The following RSRC2 variants were observed in gnomAD, a reference collection of about 807,000 sequenced individuals.
The protein encoded by RSRC2 is arginine and serine rich coiled-coil 2, also known as arginine/serine-rich coiled-coil protein 2.
A neutral mutation model predicts 61.3 loss-of-function variants in RSRC2; 5 were observed. The ratio of observed to expected loss-of-function variants is 0.08; its 90% CI spans 0.04 to 0.17. RSRC2 has a LOEUF of 0.17. Among genes scored for constraint, RSRC2 ranks in the 10% least tolerant of loss-of-function variants. The pLI is 1.00. For missense variants in RSRC2, 381 were observed against 518.8 expected, an observed-to-expected ratio of 0.73 and a Z score of 2.58; for synonymous variants, 202 against 166.5, an observed-to-expected ratio of 1.21 and a Z score of -1.64.
intron 1 of RSRC2, chr12:122,522,807 G>A (rs922237447): frequency 6.6e-6 from 1 of 152,334 alleles, no homozygotes; most frequent in Non-Finnish European, 1.5e-5. Context: ...ACCTAAGTGA[G>A]AACCTCATCT....
chr12:122,514,250 T>G (rs562038058), intron 6 of RSRC2, among the ~76,000 whole-genome samples: 179 of 143,952 alleles, frequency 1.2e-3, no homozygotes, highest in African/African-American at 4.1e-3. Context: ...AAATTTATTT[T>G]TGTGTGTGTG....
chr12:122,511,256 A>G lies in RSRC2; in HGVS notation c.726-68T>C, dbSNP rs529636061. On this transcript the variant is annotated intron_variant, in intron 6 of 9. Transcript: ENST00000331738. ...AACCATTATGTATATATCTCTCTAT[A>G]TGTGCATGTACAGAGACAAGCCAAC... 8 of 1,194,292 alleles carry G rather than the reference A, an allele frequency of 6.7e-6. No homozygotes were observed. In the South Asian group the frequency reaches 8.1e-5, roughly 12 times the overall value. 74.0% of individuals were successfully genotyped at this position (1,194,292 alleles called of 1,614,324 possible). A position where few individuals can be genotyped will look rare whatever the true frequency, so the allele number is the denominator to read the frequency against.
chr12:122,517,008 T>C (rs1328627364), intron 5 of RSRC2, among the ~76,000 whole-genome samples: 1 of 152,218 alleles, frequency 6.6e-6, no homozygotes, highest in East Asian at 1.9e-4. Context: ...GGCCTATTCA[T>C]ACCTGCACTT....
chr12:122,521,360 C>G (rs763444604), intron 3 of RSRC2, 25 bp downstream of exon 3: 22 of 1,566,832 alleles, frequency 1.4e-5, no homozygotes, highest in Non-Finnish European at 1.8e-5. Flanking sequence ...TTTAAAGTAC[C>G]TATTCACTAC....
In RSRC2 at chr12:122,505,550, T is replaced by G; in HGVS notation, c.1282A>C (p.Met428Leu). 6.2e-7 allele frequency: 1 copy of G among 1,613,894 alleles called. No individual in the cohort carries two copies. The highest frequency in any genetic ancestry group is 8.5e-7 in the Non-Finnish European group (1 of 1,179,902). The stretch of plus-strand genomic sequence containing the variant: ...TTTCAAACTGCATCCATTCCTCGCA[T>G]TGAAGATGTGAAACCCAAACCCATT... ...RGMGLGFTSSMRGMDAV is the reference protein window; with the variant it reads ...RGMGLGFTSSLRGMDAV Residue 428 changes from methionine (M) to leucine (L), a missense_variant, in exon 10 of 10, where the codon ATG becomes CTG. By Grantham distance (15) the Met-to-Leu change is conservative. Around this residue, in one of 4 missense-constraint regions of RSRC2, gnomAD observed 78 missense variants for 183.0 expected, o/e 0.43. Coordinates refer to ENST00000331738, the MANE Select transcript of RSRC2 (RefSeq NM_023012.6).
chr12:122,522,821 T>C (rs1959426983), intron 1 of RSRC2: 1 of 152,438 alleles, frequency 6.6e-6, no homozygotes. Flanking sequence ...CTCATCTTAA[T>C]GTCATTAACC....
intron 8 of RSRC2, 87 bp downstream of exon 8, chr12:122,508,131 A>T: frequency 8.1e-7 from 1 of 1,240,196 alleles, no homozygotes. Flanking sequence ...AGTTAAGCCG[A>T]AAGTAATATT....
At chr12:122,512,192 C>A (rs1958573660) in intron 6 of RSRC2, among the ~76,000 whole-genome samples, 1 of 152,194 alleles carries the variant, frequency 6.6e-6, no homozygotes, top group Non-Finnish European at 1.5e-5. Flanking sequence ...GCACACTAAA[C>A]AAGCTATATG....
chr12:122,512,168 T>G (rs1376525251), intron 6 of RSRC2, among the ~76,000 whole-genome samples: 1 of 152,210 alleles, frequency 6.6e-6, no homozygotes, highest in Admixed American at 6.5e-5. Context: ...TACATTAAAT[T>G]CACTAATGAG....
chr12:122,506,204 G>A (rs1207217776), intron 9 of RSRC2, among the ~76,000 whole-genome samples: 1 of 151,886 alleles, frequency 6.6e-6, no homozygotes, highest in East Asian at 2.0e-4. Flanking sequence ...TGGCCAACAT[G>A]GTGAAACCCC....
At chr12:122,523,353 T>C (rs1471592838) in intron 1 of RSRC2, 1 of 152,064 alleles carries the variant, frequency 6.6e-6, no homozygotes, top group Non-Finnish European at 1.5e-5. Context: ...CTGCTTCTAC[T>C]AAAAACACAA....
intron 2 of RSRC2, 89 bp downstream of exon 2, chr12:122,522,051 CCAA>C: frequency 7.6e-7 from 1 of 1,324,248 alleles, no homozygotes; most frequent in Non-Finnish European, 1.0e-6. Context: ...CCATGCCCAG[CCAA>C]CAAACTAAAT....
intron 5 of RSRC2, 152 bp downstream of exon 5, chr12:122,517,075 G>A: frequency 9.1e-7 from 1 of 1,103,658 alleles, no homozygotes; most frequent in Non-Finnish European, 1.3e-6. Context: ...GTGGTTAGGT[G>A]TGTTCTTCAT....
At chr12:122,526,767 C>T in intron 1 of RSRC2, 81 bp downstream of exon 1, 4 of 1,528,228 alleles carry the variant, frequency 2.6e-6, no homozygotes, top group Non-Finnish European at 3.6e-6. Context: ...TACACACGAA[C>T]AAGGTTCTGG....
rs1271680543 is a variant in RSRC2 at position 122,503,608 on chromosome 12, A to G, written c.*1919T>C. 1 of 152,228 alleles carries G rather than the reference A, an allele frequency of 6.6e-6. No individual in the cohort carries two copies. The highest frequency in any genetic ancestry group is 2.4e-5 in the African/African-American group (1 of 41,462). 9.4% of individuals were successfully genotyped at this position (152,228 alleles called of 1,614,324 possible). A position where few individuals can be genotyped will look rare whatever the true frequency, so the allele number is the denominator to read the frequency against. On this transcript the variant is annotated 3_prime_UTR_variant, in exon 10 of 10. Coordinates refer to ENST00000331738, the MANE Select transcript of RSRC2 (RefSeq NM_023012.6). The stretch of plus-strand genomic sequence containing the variant: ...CCTTAGAAGGTCATGAACATTTTTA[A>G]TAAGATTGATTTAAAAAGGCAGAGC...
chr12:122,521,267 A>G, intron 3 of RSRC2, 118 bp downstream of exon 3: 1 of 667,936 alleles, frequency 1.5e-6, no homozygotes, highest in East Asian at 2.7e-5. Flanking sequence ...AACCCAATAA[A>G]CCTTTTAAAT....
intron 7 of RSRC2, 30 bp from the exon 8 acceptor site, chr12:122,508,477 T>C (rs777226473): frequency 2.6e-6 from 4 of 1,525,824 alleles, no homozygotes; most frequent in African/African-American, 1.4e-5. Context: ...AAATGGATTT[T>C]AAAACGATTT....
intron 3 of RSRC2, chr12:122,519,385 AATGTT>A (rs1376052059): frequency 6.7e-6 from 1 of 148,234 alleles, no homozygotes; most frequent in African/African-American, 2.4e-5. Context: ...CAGATTACAT[AATGTT>A]AAGTTTAAGT....
intron 6 of RSRC2, 42 bp downstream of exon 6, chr12:122,515,063 T>G (rs771514468): frequency 6.3e-6 from 10 of 1,596,802 alleles, no homozygotes; most frequent in Middle Eastern, 1.7e-4. Context: ...GAGCATTTAT[T>G]TAAAGGCGAA....
Sources: allele counts gnomAD v4.1 joint callset (sites outside exome capture counted in the v4.1 genomes callset), GRCh38; gene constraint gnomAD v4.1.1; regional missense constraint gnomAD v4.1.1; transcripts MANE v1.5; gene names NCBI Gene and HGNC (gene_info 2026-07-23, HGNC 2026-07-21).